The following FBXL17 variants were observed in gnomAD, a reference collection of about 807,000 sequenced individuals.
FBXL17 encodes the protein F-box/LRR-repeat protein 17.
FBXL17 carries 22 observed loss-of-function variants against 66.2 expected under a neutral mutation model. That is an observed-to-expected ratio of 0.33 (90% CI 0.24 to 0.47). The LOEUF is 0.47. FBXL17 is among the 20% of genes least tolerant of loss of function. FBXL17 has a pLI of 1.00. For missense variants in FBXL17, 878 were observed against 948.2 expected (o/e 0.93, Z 0.97); for synonymous variants, 474 against 400.5 (o/e 1.18, Z -2.19).
intron 8 of FBXL17, among the ~76,000 whole-genome samples, chr5:107,863,431 T>G (rs1468023507): frequency 6.6e-6 from 1 of 151,342 alleles, no homozygotes; most frequent in African/African-American, 2.4e-5. Context: ...CCCTTTCACA[T>G]GCCTACTTCC....
intron 8 of FBXL17, among the ~76,000 whole-genome samples, chr5:107,865,698 G>A (rs567160991): frequency 6.6e-6 from 1 of 152,284 alleles, no homozygotes; most frequent in Non-Finnish European, 1.5e-5. Context: ...AAGCAGTGGG[G>A]AAAATGCAAA....
intron 4 of FBXL17, among the ~76,000 whole-genome samples, chr5:108,303,655 G>A (rs532998651): frequency 2.6e-5 from 4 of 151,840 alleles, no homozygotes; most frequent in Admixed American, 1.3e-4. Context: ...CAAAATTTTC[G>A]GAGTTTGGTC....
intron 7 of FBXL17, among the ~76,000 whole-genome samples, chr5:108,005,018 G>C (rs1753870015): frequency 6.6e-6 from 1 of 151,966 alleles, no homozygotes; most frequent in Non-Finnish European, 1.5e-5. Context: ...CGCTGGTTAG[G>C]GGATACTGGG....
At chr5:107,914,732 T>C (rs1750071225) in intron 7 of FBXL17, among the ~76,000 whole-genome samples, 1 of 152,340 alleles carries the variant, frequency 6.6e-6, no homozygotes, top group East Asian at 1.9e-4. Flanking sequence ...CTAGAACTAT[T>C]GTAGCCCTTT....
intron 7 of FBXL17, among the ~76,000 whole-genome samples, chr5:107,935,411 ATG>A (rs55942635): frequency 1.3e-5 from 2 of 149,926 alleles, no homozygotes. Flanking sequence ...ATATATATAT[ATG>A]TGTGTGTGTG....
chr5:108,129,532 G>C (rs767520781), intron 6 of FBXL17, among the ~76,000 whole-genome samples: 1 of 151,912 alleles, frequency 6.6e-6, no homozygotes, highest in Non-Finnish European at 1.5e-5. Context: ...CAATCACTTT[G>C]CAGATTTAAC....
intron 6 of FBXL17, among the ~76,000 whole-genome samples, chr5:108,092,182 C>G (rs542089712): frequency 1.3e-5 from 2 of 152,196 alleles, no homozygotes; most frequent in African/African-American, 4.8e-5. Context: ...TCCTAGTATG[C>G]TGGACCAGTG....
At chr5:108,143,489 TG>T (rs1751439468) in intron 6 of FBXL17, among the ~76,000 whole-genome samples, 1 of 152,166 alleles carries the variant, frequency 6.6e-6, no homozygotes, top group Non-Finnish European at 1.5e-5. Context: ...AACAGATGTT[TG>T]GTCACAATGG....
intron 6 of FBXL17, among the ~76,000 whole-genome samples, chr5:108,063,798 T>C (rs1384956120): frequency 1.3e-5 from 2 of 152,156 alleles, no homozygotes; most frequent in African/African-American, 4.8e-5. Context: ...CAGATATTTA[T>C]AATAGATGTA....
At chr5:108,050,851 A>C (rs1410726652) in intron 6 of FBXL17, among the ~76,000 whole-genome samples, 3 of 147,344 alleles carry the variant, frequency 2.0e-5, no homozygotes, top group Admixed American at 6.7e-5. Context: ...CAAATCAAAC[A>C]GAAAAATCAA....
At chr5:108,248,023 G>A (rs1450740910) in intron 4 of FBXL17, among the ~76,000 whole-genome samples, 1 of 152,144 alleles carries the variant, frequency 6.6e-6, no homozygotes. Context: ...ATCTGCTAAT[G>A]TAGCACCTAG....
chr5:108,298,148 G>A, intron 4 of FBXL17: 1 of 972,196 alleles, frequency 1.0e-6, no homozygotes, highest in Non-Finnish European at 1.2e-6. Flanking sequence ...TCTTTTTAGG[G>A]AGCAAGAAAC....
intron 5 of FBXL17, among the ~76,000 whole-genome samples, chr5:108,186,457 G>A (rs964758824): frequency 2.6e-5 from 4 of 152,032 alleles, no homozygotes; most frequent in Non-Finnish European, 4.4e-5. Context: ...GTGAATATCT[G>A]AATGGCAACA....
chr5:107,950,536 C>T (rs866356691), intron 7 of FBXL17, among the ~76,000 whole-genome samples: 2 of 152,216 alleles, frequency 1.3e-5, no homozygotes, highest in South Asian at 4.1e-4. Flanking sequence ...AAAAGCAGAA[C>T]GTCCCACAGA....
intron 7 of FBXL17, among the ~76,000 whole-genome samples, chr5:108,020,620 T>TA (rs1754557148): frequency 6.6e-6 from 1 of 151,876 alleles, no homozygotes; most frequent in African/African-American, 2.4e-5. Flanking sequence ...ATTTTATTGT[T>TA]AAACTTATTT....
intron 4 of FBXL17, chr5:108,299,847 A>G: frequency 1.0e-6 from 1 of 984,556 alleles, no homozygotes; most frequent in Non-Finnish European, 1.2e-6. Flanking sequence ...TCTGAAAAAA[A>G]GGGTAGATGC....
intron 4 of FBXL17, among the ~76,000 whole-genome samples, chr5:108,343,026 C>T (rs531330501): frequency 6.6e-6 from 1 of 152,212 alleles, no homozygotes; most frequent in East Asian, 1.9e-4. Flanking sequence ...TAAAATAGAA[C>T]ACAGGGAGCT....
chr5:108,251,554 GT>G (rs1357580746), intron 4 of FBXL17, among the ~76,000 whole-genome samples: 1 of 151,920 alleles, frequency 6.6e-6, no homozygotes, highest in Non-Finnish European at 1.5e-5. Context: ...CTAATGTCTG[GT>G]TTTCAAAATT....
rs114077335 is a variant in FBXL17, at chr5:108,064,075, T to A, written c.1746-43074A>T. Among the ~76,000 whole-genome samples, 548 of 152,276 alleles carry A rather than the reference T, an allele frequency of 3.6e-3. 6 individuals carry two copies. The highest frequency in any genetic ancestry group is 0.013 in the African/African-American group (532 of 41,562). ...TATATTGAGAAGCAATAATACTGTT[T>A]AAATATTCATAATTATGAATATAAC... On this transcript the variant is annotated intron_variant, in intron 6 of 8. Transcript: ENST00000542267.
Sources: gnomAD v4.1 joint callset for allele counts (sites outside exome capture counted in the v4.1 genomes callset) on GRCh38, gnomAD v4.1.1 for gene constraint, MANE v1.5 for transcripts, NCBI Gene and HGNC (gene_info 2026-07-23, HGNC 2026-07-21) for gene names.